ZNF717: variants seen among roughly 807,000 people sequenced by gnomAD.
ZNF717 encodes zinc finger protein 717.
Under a neutral mutation model 13.8 loss-of-function variants are expected in ZNF717, and 9 were observed. That is an observed-to-expected ratio of 0.65 (90% CI 0.39 to 1.14). The LOEUF (loss-of-function observed/expected upper bound fraction) is 1.14, where lower values mean the gene tolerates loss of function less well. Among genes scored for constraint, ZNF717 ranks in the 50% most tolerant of loss-of-function variants. The probability of loss-of-function intolerance (pLI) is 0.01; values close to 1 mark genes in which losing one functional copy is unlikely to be tolerated. For missense variants in ZNF717, 1,040 were observed against 1,080.7 expected (o/e 0.96, Z 0.53); for synonymous variants, 327 against 364.1 (o/e 0.90, Z 1.16).
At chr3:75,759,957 G>T (rs1159529846) in intron 2 of ZNF717, among the ~76,000 whole-genome samples, 1 of 152,224 alleles carries the variant, frequency 6.6e-6, no homozygotes, top group Non-Finnish European at 1.5e-5. Context: ...TTTATGTCAG[G>T]TTGCTGTGTC....
intron 2 of ZNF717, among the ~76,000 whole-genome samples, chr3:75,757,256 C>T (rs974179985): frequency 6.6e-6 from 1 of 152,108 alleles, no homozygotes; most frequent in Non-Finnish European, 1.5e-5. Flanking sequence ...GGAGTTGATG[C>T]CTGGCTTTAA....
chr3:75,755,819 G>C (rs111346605), intron 2 of ZNF717, among the ~76,000 whole-genome samples: 5 of 146,388 alleles, frequency 3.4e-5, no homozygotes, highest in Non-Finnish European at 7.6e-5. Flanking sequence ...TGGTAGACAA[G>C]AGAATGAAGA....
chr3:75,745,017 G>T (rs1288984835), intron 2 of ZNF717, among the ~76,000 whole-genome samples: 2 of 152,126 alleles, frequency 1.3e-5, no homozygotes, highest in African/African-American at 2.4e-5. Flanking sequence ...GGCTGCCGGG[G>T]TCTGTGTGTT....
At chr3:75,733,778 CAA>C (rs56196464), downstream of ZNF717, among the ~76,000 whole-genome samples, 234 of 26,640 alleles carry the variant, frequency 8.8e-3, 2 homozygotes, top group African/African-American at 0.037. Context: ...GACTCTATCT[CAA>C]AAAAAAAAAA....
intron 2 of ZNF717, among the ~76,000 whole-genome samples, chr3:75,778,512 T>C (rs995478035): frequency 6.7e-6 from 1 of 150,352 alleles, no homozygotes; most frequent in Non-Finnish European, 1.5e-5. Context: ...CGCAAAACAA[T>C]GGCAGTGACG....
chr3:75,746,889 TG>T (rs1941234687), intron 2 of ZNF717, among the ~76,000 whole-genome samples: 1 of 152,254 alleles, frequency 6.6e-6, no homozygotes, highest in Admixed American at 6.5e-5. Flanking sequence ...TTGTCAATTT[TG>T]GCTTTTGTTG....
downstream of ZNF717, among the ~76,000 whole-genome samples, chr3:75,705,996 A>T (rs2918568): frequency 6.8e-6 from 1 of 147,690 alleles, no homozygotes; most frequent in Non-Finnish European, 1.5e-5. Flanking sequence ...AACCAGGGAC[A>T]TGACACCTAT....
intron 6 of ZNF717, among the ~76,000 whole-genome samples, chr3:75,701,720 A>AT (rs111853896): frequency 1.3e-5 from 2 of 152,304 alleles, no homozygotes; most frequent in East Asian, 1.9e-4. Flanking sequence ...AGTCTCGAGT[A>AT]TTTTTTTATA....
At chr3:75,783,875 T>C (rs1944987957) in intron 1 of ZNF717, among the ~76,000 whole-genome samples, 1 of 152,214 alleles carries the variant, frequency 6.6e-6, no homozygotes, top group Non-Finnish European at 1.5e-5. Context: ...TTTTTTTAAA[T>C]GTACATAATA....
chr3:75,734,817 A>ATT (rs545474632), downstream of ZNF717, among the ~76,000 whole-genome samples: 116 of 57,548 alleles, frequency 2.0e-3, no homozygotes, highest in Non-Finnish European at 2.8e-3. Flanking sequence ...ATATATATAT[A>ATT]TTTTTTTTTT....
At chr3:75,776,938 TA>T (rs531047021) in intron 2 of ZNF717, among the ~76,000 whole-genome samples, 1 of 152,252 alleles carries the variant, frequency 6.6e-6, no homozygotes, top group Non-Finnish European at 1.5e-5. Context: ...ACTCTTTATC[TA>T]ACTCATTCTT....
intron 2 of ZNF717, among the ~76,000 whole-genome samples, chr3:75,782,143 G>A (rs1412763946): frequency 2.0e-5 from 3 of 152,164 alleles, no homozygotes; most frequent in East Asian, 1.9e-4. Context: ...TAGAAGACTC[G>A]AGTAAGGCAA....
intron 5 of ZNF717, among the ~76,000 whole-genome samples, chr3:75,716,039 C>T (rs1374554266): frequency 3.6e-4 from 54 of 151,462 alleles, no homozygotes; most frequent in African/African-American, 1.1e-3. Context: ...GGAACAATCT[C>T]GGCTCACTGC....
chr3:75,721,230 T>C (rs1315048770), intron 4 of ZNF717, among the ~76,000 whole-genome samples: 1 of 152,230 alleles, frequency 6.6e-6, no homozygotes, highest in Non-Finnish European at 1.5e-5. Flanking sequence ...AGTGATAGAA[T>C]TAATGCCTAA....
In ZNF717 at chr3:75,738,591, A is replaced by G. The variant is rs1381312278; in HGVS notation, c.1032T>C (p.Cys344=). The G allele has an allele frequency of 2.7e-5, 41 of 1,542,182 alleles. No homozygotes were observed. Among genetic ancestry groups the G allele is most frequent in the Non-Finnish European group, 3.6e-5 (41 of 1,140,322 alleles). The change falls in exon 5 of 5, where the codon TGT becomes TGC. Residue 344 remains cysteine (C), a synonymous_variant. Coordinates refer to ENST00000652011, the MANE Select transcript of ZNF717 (RefSeq NM_001290208.3). ...ATGACTTACGGCGAAAGGTTTTACC[A>G]CATTCATTGCATCCATAGGGCTTTT... ...TGEKPYGCNE[C]GKTFRRKSFL...
rs868860151 is a variant in ZNF717, at chr3:75,737,167, C to A, written c.2456G>T (p.Cys819Phe). Residue 819 changes from cysteine to phenylalanine, a missense_variant, in exon 5 of 5, where the codon TGT (cysteine) becomes TTT (phenylalanine). By Grantham distance (205) the Cys-to-Phe change is radical. This residue lies in a region of ZNF717 where 873 missense variants were observed against 832.8 expected (regional missense o/e 1.05). Coordinates refer to ENST00000652011, the MANE Select transcript of ZNF717 (RefSeq NM_001290208.3). ...TGEKPFECKE[C>F]RKTFSQKSKL... ...TGACTTCTGGGAGAAGGTTTTCCTA[C>A]ATTCTTTACATTCAAATGGCTTCTC... 4.3e-4 allele frequency: 666 copies of A among 1,557,436 alleles called. 3 individuals are homozygous for A. In the Admixed American group the frequency reaches 0.012, roughly 28 times the overall value.
exon 6 of ZNF717, chr3:75,709,757 CAG>C (rs1231314953): frequency 1.3e-5 from 2 of 152,182 alleles, no homozygotes; most frequent in African/African-American, 4.8e-5. Flanking sequence ...CTCGAGCTGT[CAG>C]AGTTTTCTTA....
At chr3:75,739,484 C>A in intron 4 of ZNF717, 139 bp from the exon 5 acceptor site, 1 of 475,598 alleles carries the variant, frequency 2.1e-6, no homozygotes, top group Non-Finnish European at 3.6e-6. Context: ...GTTTTATATG[C>A]ATATGGTTTC....
chr3:75,741,463 G>A, intron 3 of ZNF717, 95 bp from the exon 4 acceptor site: 2 of 1,376,798 alleles, frequency 1.5e-6, no homozygotes, highest in Non-Finnish European at 2.0e-6. Context: ...GTGCAATGAA[G>A]GAGCCAATTT....
Sources: allele counts gnomAD v4.1 joint callset (sites outside exome capture counted in the v4.1 genomes callset), GRCh38; gene constraint gnomAD v4.1.1; regional missense constraint gnomAD v4.1.1; transcripts MANE v1.5; gene names NCBI Gene and HGNC (gene_info 2026-07-23, HGNC 2026-07-21).